Variants in ANKRD29 observed in about 807,000 individuals in gnomAD.
The protein encoded by ANKRD29 is ankyrin repeat domain 29, also known as ankyrin repeat domain-containing protein 29.
Under a neutral mutation model 38.0 loss-of-function variants are expected in ANKRD29, and 32 were observed. That is an observed-to-expected ratio of 0.84 (90% confidence interval 0.64 to 1.13). The LOEUF (loss-of-function observed/expected upper bound fraction) is 1.13, where lower values mean the gene tolerates loss of function less well. Ranked by LOEUF, ANKRD29 falls within the 50% of genes most tolerant of loss-of-function variation. ANKRD29 has a pLI of 0.00. For missense variants in ANKRD29, 357 were observed against 377.9 expected, an observed-to-expected ratio of 0.94 and a Z score of 0.46; for synonymous variants, 135 against 152.4, an observed-to-expected ratio of 0.89 and a Z score of 0.84.
intron 1 of ANKRD29, among the ~76,000 whole-genome samples, chr18:23,653,356 T>C (rs1356750206): frequency 6.6e-6 from 1 of 150,416 alleles, no homozygotes; most frequent in African/African-American, 2.5e-5. Context: ...GTTCAAGCGA[T>C]TCTTCTGCCT....
intron 3 of ANKRD29, among the ~76,000 whole-genome samples, chr18:23,641,039 C>T (rs1030040762): frequency 9.9e-5 from 15 of 152,074 alleles, no homozygotes; most frequent in Non-Finnish European, 2.2e-4. Flanking sequence ...GCAGGATCCA[C>T]CCACTTGTTT....
In ANKRD29 at chr18:23,662,762, C is replaced by T; in HGVS notation, c.-32G>A. The stretch of plus-strand genomic sequence containing the variant: ...GGCCGCCCGAGCGGGAGCCGGCGCG[C>T]TTTGGGCCCGGGGCGCCTTGTCCTC... On this transcript the variant is annotated 5_prime_UTR_variant, in exon 1 of 10. Transcript: ENST00000592179. 1 of 1,455,328 alleles carries T rather than the reference C, an allele frequency of 6.9e-7. No homozygotes were observed. Among genetic ancestry groups the T allele is most frequent in the Non-Finnish European group, 9.0e-7 (1 of 1,107,158 alleles). 90.2% of individuals were successfully genotyped at this position (1,455,328 alleles called of 1,614,324 possible).
intron 1 of ANKRD29, among the ~76,000 whole-genome samples, chr18:23,651,514 A>G (rs2060210903): frequency 6.6e-6 from 1 of 152,244 alleles, no homozygotes; most frequent in South Asian, 2.1e-4. Flanking sequence ...GAAGTCTGGT[A>G]GGGTGAATCA....
intron 6 of ANKRD29, among the ~76,000 whole-genome samples, chr18:23,628,783 G>A (rs1452983821): frequency 6.7e-6 from 1 of 150,278 alleles, no homozygotes. Context: ...ACAATGGGTC[G>A]AGATCATGCC....
intron 1 of ANKRD29, among the ~76,000 whole-genome samples, chr18:23,649,877 G>A (rs1461267968): frequency 6.6e-6 from 1 of 152,048 alleles, no homozygotes; most frequent in East Asian, 1.9e-4. Context: ...CTACAGGCGT[G>A]CGCCACCATG....
intron 1 of ANKRD29, among the ~76,000 whole-genome samples, chr18:23,658,094 C>T (rs1178167537): frequency 6.6e-6 from 1 of 152,174 alleles, no homozygotes; most frequent in Non-Finnish European, 1.5e-5. Flanking sequence ...GTCCCACTGT[C>T]GTATTTTAGA....
chr18:23,655,521 T>C (rs2060267786), intron 1 of ANKRD29, among the ~76,000 whole-genome samples: 1 of 152,082 alleles, frequency 6.6e-6, no homozygotes, highest in African/African-American at 2.4e-5. Flanking sequence ...CTCGACTCAC[T>C]GCAAGCTCTG....
At chr18:23,654,971 G>A (rs1283593869) in intron 1 of ANKRD29, among the ~76,000 whole-genome samples, 1 of 152,160 alleles carries the variant, frequency 6.6e-6, no homozygotes, top group African/African-American at 2.4e-5. Context: ...ATTCAATCAA[G>A]AGAATATTAG....
rs71163626 is a variant in ANKRD29, at chr18:23,634,278, GTTTTTTTTTTT to G, written c.331-140_331-130del. On this transcript the variant is annotated intron_variant, in intron 4 of 9. Coordinates refer to ENST00000592179, the MANE Select transcript of ANKRD29 (RefSeq NM_173505.4). Reference sequence around the variant, plus strand: ...AGATAATAACAAACTCACTTTCCCTGTTTTTTTTTTTTTTTTTTTTTTTTTTTTTGAGATGG... The same window carrying G: ...AGATAATAACAAACTCACTTTCCCTGTTTTTTTTTTTTTTTTTTGAGATGG... 2,058 of 369,734 alleles carry G rather than the reference GTTTTTTTTTTT, an allele frequency of 5.6e-3. 5 individuals carry two copies. Among genetic ancestry groups the G allele is most frequent in the Middle Eastern group, 8.3e-3 (10 of 1,212 alleles). 22.9% of individuals were successfully genotyped at this position (369,734 alleles called of 1,614,324 possible). A position where few individuals can be genotyped will look rare whatever the true frequency, so the allele number is the denominator to read the frequency against.
At chr18:23,611,775 C>T (rs1432915754) in intron 9 of ANKRD29, among the ~76,000 whole-genome samples, 2 of 151,918 alleles carry the variant, frequency 1.3e-5, no homozygotes, top group African/African-American at 4.8e-5. Flanking sequence ...TGTAAATGAC[C>T]GGCTTCTGGG....
chr18:23,646,118 C>G, intron 3 of ANKRD29, 71 bp downstream of exon 3: 1 of 1,383,328 alleles, frequency 7.2e-7, no homozygotes, highest in Non-Finnish European at 1.0e-6. Flanking sequence ...TCCCCCATAC[C>G]AGTTCACTAT....
chr18:23,603,866 G>A (rs1417492423), intron 9 of ANKRD29, among the ~76,000 whole-genome samples: 2 of 150,104 alleles, frequency 1.3e-5, no homozygotes, highest in Non-Finnish European at 3.0e-5. Context: ...TTTTTAAGAC[G>A]GAGTCTCACT....
At chr18:23,601,665 G>A (rs1227350087) in intron 9 of ANKRD29, among the ~76,000 whole-genome samples, 1 of 152,054 alleles carries the variant, frequency 6.6e-6, no homozygotes. Context: ...TACCTTATAT[G>A]TATTTTATTA....
intron 3 of ANKRD29, among the ~76,000 whole-genome samples, chr18:23,645,188 C>T (rs547372658): frequency 5.1e-4 from 77 of 152,282 alleles, no homozygotes; most frequent in Middle Eastern, 6.8e-3. Flanking sequence ...AGGTCAGATA[C>T]ACTCTAGGGG....
At chr18:23,608,937 C>T (rs1403751031) in intron 9 of ANKRD29, among the ~76,000 whole-genome samples, 1 of 152,088 alleles carries the variant, frequency 6.6e-6, no homozygotes, top group Non-Finnish European at 1.5e-5. Flanking sequence ...CCTGTTTCTA[C>T]TAAAAGTACA....
chr18:23,656,189 G>A (rs1481135475), intron 1 of ANKRD29, among the ~76,000 whole-genome samples: 1 of 151,916 alleles, frequency 6.6e-6, no homozygotes, highest in Non-Finnish European at 1.5e-5. Flanking sequence ...AAGTTTGCTG[G>A]AGGCAAAGTG....
At chr18:23,624,976 C>T (rs1359874805) in intron 6 of ANKRD29, among the ~76,000 whole-genome samples, 1 of 152,146 alleles carries the variant, frequency 6.6e-6, no homozygotes, top group Non-Finnish European at 1.5e-5. Context: ...TAAAACCATC[C>T]TCTTCTGTGG....
At chr18:23,610,907 T>G in intron 9 of ANKRD29, among the ~76,000 whole-genome samples, 1 of 152,034 alleles carries the variant, frequency 6.6e-6, no homozygotes, top group East Asian at 1.9e-4. Flanking sequence ...CTTGAACTCC[T>G]GGGCTCAAGC....
chr18:23,601,091 T>C lies in ANKRD29; in HGVS notation c.*135A>G. ...TCGTGCACAGAGCGTAGCTCTTCTT[T>C]GTCAGGGACCCACAGGATGGGCATT... On this transcript the variant is annotated 3_prime_UTR_variant, in exon 10 of 10. Coordinates refer to ENST00000592179, the MANE Select transcript of ANKRD29 (RefSeq NM_173505.4). 1.3e-6 allele frequency: 1 copy of C among 744,796 alleles called. No homozygotes were observed. The highest frequency in any genetic ancestry group is 1.9e-5 in the South Asian group (1 of 53,252). 46.1% of individuals were successfully genotyped at this position (744,796 alleles called of 1,614,324 possible). A position where few individuals can be genotyped will look rare whatever the true frequency, so the allele number is the denominator to read the frequency against.
Sources: allele counts gnomAD v4.1 joint callset (sites outside exome capture counted in the v4.1 genomes callset), GRCh38; gene constraint gnomAD v4.1.1; transcripts MANE v1.5; gene names NCBI Gene and HGNC (gene_info 2026-07-23, HGNC 2026-07-21).